Variants in CDYL2 observed in about 807,000 individuals in gnomAD.
The protein encoded by CDYL2 is chromodomain Y-like protein 2.
A neutral mutation model predicts 49.4 loss-of-function variants in CDYL2; 23 were observed. The ratio of observed to expected loss-of-function variants is 0.47; its 90% CI spans 0.34 to 0.66. The LOEUF (loss-of-function observed/expected upper bound fraction) is 0.66, where lower values mean the gene tolerates loss of function less well. Ranked by LOEUF, CDYL2 falls within the 30% of genes least tolerant of loss-of-function variation. The pLI is 0.01. For synonymous variants in CDYL2, 360 were observed against 268.8 expected (o/e 1.34, Z -3.32); for missense variants, 678 against 656.4 (o/e 1.03, Z -0.36).
chr16:80,713,658 G>A (rs574774082), intron 1 of CDYL2, among the ~76,000 whole-genome samples: 13 of 152,232 alleles, frequency 8.5e-5, no homozygotes, highest in Admixed American at 3.3e-4. Flanking sequence ...ACCTTGCTCC[G>A]CTTCCCATCA....
chr16:80,724,850 A>C (rs1248196848), intron 1 of CDYL2, among the ~76,000 whole-genome samples: 1 of 152,174 alleles, frequency 6.6e-6, no homozygotes, highest in Non-Finnish European at 1.5e-5. Flanking sequence ...TCTTGTCTAC[A>C]GTCTTGACCC....
In CDYL2 at chr16:80,612,858, C is replaced by G. The variant is rs1906664515; in HGVS notation, c.1008-22G>C. 2 of 1,585,342 alleles carry G rather than the reference C, an allele frequency of 1.3e-6. No individual in the cohort carries two copies. Among genetic ancestry groups the G allele is most frequent in the Non-Finnish European group, 1.7e-6 (2 of 1,163,706 alleles). On this transcript the variant is annotated intron_variant, in intron 4 of 6. Transcript: ENST00000570137. This position sits in a 1 kb window ranked among gnomAD's most constrained non-coding sequence, Gnocchi z 5.0. ...GTCCCTGGGAGAGAAAGAAGATCCT[C>G]TTGAACAGGTGACTATAGCATGCTA... is the stretch of plus-strand genomic sequence containing the variant.
At chr16:80,631,222 C>G (rs1451661405) in intron 3 of CDYL2, among the ~76,000 whole-genome samples, 3 of 152,140 alleles carry the variant, frequency 2.0e-5, no homozygotes, top group Admixed American at 6.5e-5. Flanking sequence ...CATAACAATC[C>G]TACATCAGAA....
intron 1 of CDYL2, among the ~76,000 whole-genome samples, chr16:80,784,651 G>T (rs1907376199): frequency 6.6e-6 from 1 of 152,170 alleles, no homozygotes; most frequent in Non-Finnish European, 1.5e-5. Flanking sequence ...AGAGCTTTCT[G>T]GAATACTTGA....
chr16:80,656,973 G>A (rs1031596883), intron 2 of CDYL2, among the ~76,000 whole-genome samples: 1 of 152,208 alleles, frequency 6.6e-6, no homozygotes, highest in Admixed American at 6.5e-5. Flanking sequence ...GATATCCACG[G>A]CTAAGGCTTT....
chr16:80,694,121 C>T (rs1201868232), intron 1 of CDYL2, among the ~76,000 whole-genome samples: 1 of 152,182 alleles, frequency 6.6e-6, no homozygotes, highest in African/African-American at 2.4e-5. Context: ...GAAACTGTTC[C>T]ACCTCAGATC....
intron 1 of CDYL2, among the ~76,000 whole-genome samples, chr16:80,782,493 C>T (rs1402904234): frequency 2.2e-5 from 3 of 136,178 alleles, no homozygotes; most frequent in Non-Finnish European, 4.6e-5. Flanking sequence ...TTTATCAGGC[C>T]AGCACTAAAC....
At chr16:80,622,000 T>A (rs1907104466) in intron 3 of CDYL2, among the ~76,000 whole-genome samples, 1 of 152,120 alleles carries the variant, frequency 6.6e-6, no homozygotes, top group South Asian at 2.1e-4. Context: ...TATTCTTACT[T>A]CCAGACCAGG....
At chr16:80,692,700 T>C (rs1357407032) in intron 1 of CDYL2, among the ~76,000 whole-genome samples, 1 of 152,196 alleles carries the variant, frequency 6.6e-6, no homozygotes, top group Non-Finnish European at 1.5e-5. Flanking sequence ...AGCAAAACTA[T>C]AATAATGTGA....
intron 1 of CDYL2, among the ~76,000 whole-genome samples, chr16:80,734,853 T>A (rs1905461215): frequency 1.3e-5 from 2 of 152,190 alleles, no homozygotes; most frequent in African/African-American, 4.8e-5. Context: ...CTAGAAGTCA[T>A]AATGGACCTG....
At position 80,620,824 on chromosome 16, in the gene CDYL2, G is replaced by T. The variant is rs755185419; in HGVS notation, c.946C>A (p.Leu316Ile). The change falls in exon 4 of 7, where the codon CTA becomes ATA. Residue 316 changes from leucine (L) to isoleucine (I), a missense_variant. This residue lies in a region of CDYL2 where 478 missense variants were observed against 427.0 expected (regional missense o/e 1.12). Transcript: ENST00000570137. ...CGGTCGCTGGACAACCGGCCAATTAGGTAGGAATAATCCAGGCCGCTGCAG... is the reference window on the plus strand; with the variant it reads ...CGGTCGCTGGACAACCGGCCAATTATGTAGGAATAATCCAGGCCGCTGCAG... The part of the protein sequence containing the change: ...VFCSGLDYSY[L>I]IGRLSSDRRK... 1 of 1,613,004 alleles carries T rather than the reference G, an allele frequency of 6.2e-7. No homozygotes were observed.
At chr16:80,776,834 T>G (rs77142150) in intron 1 of CDYL2, among the ~76,000 whole-genome samples, 1 of 151,754 alleles carries the variant, frequency 6.6e-6, no homozygotes, top group East Asian at 1.9e-4. Context: ...TTTTTTTTTT[T>G]GGAGACAGAG....
At position 80,764,879 on chromosome 16, in the gene CDYL2, C is replaced by T. The variant is rs375122458; in HGVS notation, c.24+39271G>A. 4.4e-4 allele frequency among the ~76,000 whole-genome samples: 67 copies of T among 151,260 alleles called. No individual in the cohort carries two copies. In the Middle Eastern group the frequency reaches 0.01, roughly 23 times the overall value. On this transcript the variant is annotated intron_variant, in intron 1 of 6. Transcript: ENST00000570137. Reference sequence around the variant, plus strand: ...ATCAAGACCATTCTGGCTAACAGGGCGAAACCCCGTCTCTACTAAAAATAC... The same window carrying T: ...ATCAAGACCATTCTGGCTAACAGGGTGAAACCCCGTCTCTACTAAAAATAC...
At chr16:80,802,546 C>T (rs1210915973) in intron 1 of CDYL2, among the ~76,000 whole-genome samples, 1 of 152,200 alleles carries the variant, frequency 6.6e-6, no homozygotes, top group Non-Finnish European at 1.5e-5. Context: ...AGATCTCTAT[C>T]CAACTTCACC....
chr16:80,675,722 T>C (rs145684390), intron 2 of CDYL2, among the ~76,000 whole-genome samples: 11 of 143,026 alleles, frequency 7.7e-5, no homozygotes, highest in African/African-American at 1.3e-4. Flanking sequence ...GAACCCTCAA[T>C]AAGGAGAGCG....
chr16:80,607,690 G>A (rs1244987143), intron 6 of CDYL2, among the ~76,000 whole-genome samples: 2 of 152,260 alleles, frequency 1.3e-5, no homozygotes, highest in Admixed American at 6.5e-5. Context: ...AAATGAAATA[G>A]AGGCATGGTG....
At chr16:80,736,412 T>A (rs2142545973) in intron 1 of CDYL2, 1 of 152,310 alleles carries the variant, frequency 6.6e-6, no homozygotes. Context: ...TACTAATTTT[T>A]AATTTACGAA....
In CDYL2 at chr16:80,604,533, G is replaced by C. The variant is rs931396700; in HGVS notation, c.1376C>G (p.Ser459Cys). ...CAGGAAGCTCCGCACGAGGCATTTGGACTCCTCTAACACCTAGAGGGAAAT... is the reference window on the plus strand; with the variant it reads ...CAGGAAGCTCCGCACGAGGCATTTGCACTCCTCTAACACCTAGAGGGAAAT... ...ASCSAVVLEE[S>C]KCLVRSFLKS... Residue 459 changes from serine to cysteine, a missense_variant, in exon 7 of 7, where the codon TCC becomes TGC. This residue lies in a region of CDYL2 where 153 missense variants were observed against 150.6 expected (regional missense o/e 1.02). Coordinates refer to ENST00000570137, the MANE Select transcript of CDYL2 (RefSeq NM_152342.4). 3.7e-6 allele frequency: 6 copies of C among 1,614,032 alleles called. No homozygotes were observed. Among genetic ancestry groups the C allele is most frequent in the Non-Finnish European group, 4.2e-6 (5 of 1,180,042 alleles).
intron 1 of CDYL2, among the ~76,000 whole-genome samples, chr16:80,802,344 G>C (rs1391494021): frequency 6.6e-6 from 1 of 152,132 alleles, no homozygotes. Context: ...ATTCCAACCA[G>C]ATCACTTTCA....
Sources: allele counts gnomAD v4.1 joint callset (sites outside exome capture counted in the v4.1 genomes callset), GRCh38; gene constraint gnomAD v4.1.1; regional missense constraint gnomAD v4.1.1; non-coding constraint Gnocchi (gnomAD v3.1); transcripts MANE v1.5; gene names NCBI Gene and HGNC (gene_info 2026-07-23, HGNC 2026-07-21).